The following ATP7B variants were observed in gnomAD, a reference collection of about 807,000 sequenced individuals.
ATP7B encodes the protein copper-transporting ATPase 2.
A neutral mutation model predicts 118.9 loss-of-function variants in ATP7B; 113 were observed. The observed-to-expected ratio is 0.95, with a 90% confidence interval of 0.82 to 1.11. The LOEUF (loss-of-function observed/expected upper bound fraction) is 1.11, where lower values mean the gene tolerates loss of function less well. ATP7B is among the 50% of genes most tolerant of loss of function. The pLI, the probability that ATP7B is intolerant of heterozygous loss-of-function variation, is 0.00. For missense variants in ATP7B, 1,867 were observed against 1,871.4 expected (o/e 1.00, Z 0.04); for synonymous variants, 777 against 727.4 (o/e 1.07, Z -1.10).
At chr13:51,987,168 C>G (rs1445475873) in intron 1 of ATP7B, among the ~76,000 whole-genome samples, 1 of 152,184 alleles carries the variant, frequency 6.6e-6, no homozygotes, top group Non-Finnish European at 1.5e-5. Context: ...ATTTAGAAAA[C>G]CCCATCATCT....
chr13:51,941,301 A>G, intron 15 of ATP7B, 77 bp from the exon 16 acceptor site: 2 of 1,551,788 alleles, frequency 1.3e-6, no homozygotes, highest in Non-Finnish European at 8.9e-7. Flanking sequence ...TCCTTTTAAC[A>G]GCAAAATATC....
At chr13:51,955,571 G>A (rs1023889477) in intron 9 of ATP7B, among the ~76,000 whole-genome samples, 5 of 152,148 alleles carry the variant, frequency 3.3e-5, no homozygotes, top group Non-Finnish European at 5.9e-5. Flanking sequence ...TGGGCACTTC[G>A]GCCGGCAGAT....
intron 1 of ATP7B, among the ~76,000 whole-genome samples, chr13:52,004,975 G>A (rs1352329619): frequency 6.6e-6 from 1 of 152,210 alleles, no homozygotes; most frequent in Non-Finnish European, 1.5e-5. Flanking sequence ...AGCAGCCCAA[G>A]CCACACCTGA....
chr13:51,970,477 G>C lies in ATP7B; in HGVS notation c.1543+15C>G, dbSNP rs1365158305. ...CGCAGCATTCCTAAGTTCAACATGG[G>C]CGTTCATCTCTTACCAGCTTCTTTC... On this transcript the variant is annotated intron_variant, in intron 3 of 20. Coordinates refer to ENST00000242839, the MANE Select transcript of ATP7B (RefSeq NM_000053.4). 2 of 1,614,142 alleles carry C rather than the reference G, an allele frequency of 1.2e-6. No individual in the cohort carries two copies. Among genetic ancestry groups the C allele is most frequent in the Admixed American group, 1.7e-5 (1 of 60,026 alleles).
At chr13:51,961,935 G>A in intron 5 of ATP7B, 22 bp from the exon 6 acceptor site, 5 of 1,598,144 alleles carry the variant, frequency 3.1e-6, no homozygotes, top group Non-Finnish European at 4.3e-6. Flanking sequence ...AAAGAGAGGG[G>A]TGGGGAAAAA....
chr13:51,981,793 T>C (rs751613572), intron 1 of ATP7B, among the ~76,000 whole-genome samples: 3 of 152,148 alleles, frequency 2.0e-5, no homozygotes, highest in Non-Finnish European at 4.4e-5. Flanking sequence ...TTTTTAAAAA[T>C]ATCTGTACAT....
At chr13:51,973,865 C>A in intron 2 of ATP7B, 70 bp downstream of exon 2, 3 of 1,607,466 alleles carry the variant, frequency 1.9e-6, no homozygotes, top group Non-Finnish European at 2.6e-6. Context: ...CCTATACCAC[C>A]ATCCAGGAGC....
Position 51,968,531 on chromosome 13 carries a change from G to C in ATP7B, c.1620C>G (p.Leu540=), listed in dbSNP as rs145798966. Reference sequence around the variant, plus strand: ...GGTCCTGGATGAACTGAGCTATCTCGAGGGGCTGGATGACCTCTGGGTCAT... The same window carrying C: ...GGTCCTGGATGAACTGAGCTATCTCCAGGGGCTGGATGACCTCTGGGTCAT... ...IKYDPEVIQP[L]EIAQFIQDLG... The change falls in exon 4 of 21, where the codon CTC becomes CTG. Residue 540 remains leucine, a synonymous_variant. Coordinates refer to ENST00000242839, the MANE Select transcript of ATP7B (RefSeq NM_000053.4). The C allele has an allele frequency of 6.2e-7, 1 of 1,614,152 alleles. No homozygotes were observed. The highest frequency in any genetic ancestry group is 1.3e-5 in the African/African-American group (1 of 75,032).
chr13:51,988,719 T>C (rs987380752), intron 1 of ATP7B, among the ~76,000 whole-genome samples: 8 of 152,092 alleles, frequency 5.3e-5, no homozygotes, highest in African/African-American at 1.9e-4. Flanking sequence ...TGGAATACTA[T>C]GGAGCCATAA....
intron 1 of ATP7B, among the ~76,000 whole-genome samples, chr13:51,992,167 A>G (rs1472667264): frequency 1.3e-5 from 2 of 152,208 alleles, no homozygotes; most frequent in Non-Finnish European, 2.9e-5. Context: ...ATATAAGCAA[A>G]CAAATCTGCT....
intron 19 of ATP7B, among the ~76,000 whole-genome samples, chr13:51,935,920 C>T (rs1057399289): frequency 1.3e-5 from 2 of 152,246 alleles, no homozygotes; most frequent in African/African-American, 4.8e-5. Context: ...CTCTTCCACT[C>T]GCCCTGATGT....
chr13:51,975,480 C>T (rs1337238045), intron 1 of ATP7B: 35 of 546,784 alleles, frequency 6.4e-5, no homozygotes, highest in African/African-American at 1.5e-4. Context: ...GAATGCAGCA[C>T]GGCTGGCCTG....
chr13:51,982,733 G>C (rs1330936802), intron 1 of ATP7B, among the ~76,000 whole-genome samples: 1 of 152,202 alleles, frequency 6.6e-6, no homozygotes, highest in East Asian at 1.9e-4. Context: ...CAGCTCATCT[G>C]GTTAAACAGC....
At chr13:51,957,468 C>A in intron 9 of ATP7B, 48 bp downstream of exon 9, 3 of 1,563,496 alleles carry the variant, frequency 1.9e-6, no homozygotes, top group Non-Finnish European at 2.6e-6. Flanking sequence ...GCAGCTCACA[C>A]AGATTGATAG....
intron 1 of ATP7B, among the ~76,000 whole-genome samples, chr13:51,976,809 TA>T (rs1263114660): frequency 1.3e-5 from 2 of 152,112 alleles, no homozygotes; most frequent in Non-Finnish European, 2.9e-5. Context: ...AAACACAATA[TA>T]AAAGATTAAA....
chr13:51,948,131 T>C (rs917764498), intron 12 of ATP7B, among the ~76,000 whole-genome samples: 1 of 152,238 alleles, frequency 6.6e-6, no homozygotes, highest in African/African-American at 2.4e-5. Flanking sequence ...TGAACATTGT[T>C]CAATTTAAGA....
intron 1 of ATP7B, among the ~76,000 whole-genome samples, chr13:51,999,821 A>G (rs1187824560): frequency 6.6e-6 from 1 of 152,046 alleles, no homozygotes; most frequent in African/African-American, 2.4e-5. Flanking sequence ...ACTACCCCCT[A>G]GTCCGCTCAC....
At chr13:51,940,373 G>A (rs1957260334) in intron 16 of ATP7B, among the ~76,000 whole-genome samples, 2 of 148,690 alleles carry the variant, frequency 1.3e-5, no homozygotes, top group Non-Finnish European at 3.0e-5. Context: ...CAGATAGAAG[G>A]GCAGGTGCGG....
chr13:51,982,086 T>A (rs1034840913), intron 1 of ATP7B, among the ~76,000 whole-genome samples: 1 of 151,938 alleles, frequency 6.6e-6, no homozygotes, highest in Admixed American at 6.6e-5. Context: ...ATTCTTCTTC[T>A]AATGTGGCCC....
Sources: gnomAD v4.1 joint callset for allele counts (sites outside exome capture counted in the v4.1 genomes callset) on GRCh38, gnomAD v4.1.1 for gene constraint, MANE v1.5 for transcripts, NCBI Gene and HGNC (gene_info 2026-07-23, HGNC 2026-07-21) for gene names.